RBPJ: variants seen among roughly 807,000 people sequenced by gnomAD.
The protein encoded by RBPJ is recombination signal binding protein for immunoglobulin kappa J region.
RBPJ carries 9 observed loss-of-function variants against 67.8 expected under a neutral mutation model. The observed-to-expected ratio is 0.13, with a 90% CI of 0.08 to 0.23. The LOEUF is 0.23. Among genes scored for constraint, RBPJ ranks in the 10% least tolerant of loss-of-function variants. The pLI, the probability that RBPJ is intolerant of heterozygous loss-of-function variation, is 1.00. For missense variants in RBPJ, 305 were observed against 595.6 expected, an observed-to-expected ratio of 0.51 and a Z score of 5.08; for synonymous variants, 198 against 203.3, an observed-to-expected ratio of 0.97 and a Z score of 0.22.
chr4:26,428,198 G>A (rs1314583393), intron 7 of RBPJ, among the ~76,000 whole-genome samples: 1 of 152,214 alleles, frequency 6.6e-6, no homozygotes, highest in African/African-American at 2.4e-5. Flanking sequence ...CGTTTGCACT[G>A]ACAGTAGCCT....
chr4:26,215,159 AAGG>A (rs1718644334), intron 1 of RBPJ, among the ~76,000 whole-genome samples: 1 of 128,592 alleles, frequency 7.8e-6, no homozygotes, highest in Admixed American at 7.7e-5. Flanking sequence ...GGAGGGAGAG[AAGG>A]AGGATAGGGA....
At chr4:26,280,222 C>T (rs1341647054) in intron 1 of RBPJ, among the ~76,000 whole-genome samples, 4 of 151,658 alleles carry the variant, frequency 2.6e-5, no homozygotes, top group African/African-American at 9.7e-5. Context: ...CGGCGAAACC[C>T]CAACTCTACT....
the RBPJ span, chr4:26,113,063 A>T: frequency 6.0e-6 from 1 of 167,168 alleles, no homozygotes; most frequent in Non-Finnish European, 1.3e-5. Context: ...TATAAGGGAG[A>T]ATCTTTGTGA....
chr4:26,339,648 C>CA (rs796872805), intron 1 of RBPJ, among the ~76,000 whole-genome samples: 27 of 151,148 alleles, frequency 1.8e-4, no homozygotes, highest in African/African-American at 6.1e-4. Flanking sequence ...AACAAACGAA[C>CA]AAAAAAAACC....
chr4:26,342,298 T>G (rs1449205983), intron 1 of RBPJ, among the ~76,000 whole-genome samples: 6 of 151,716 alleles, frequency 4.0e-5, no homozygotes, highest in South Asian at 2.1e-4. Context: ...ATGTGGTGTT[T>G]AGTAGCCAGG....
the RBPJ span, among the ~76,000 whole-genome samples, chr4:26,149,028 T>G: frequency 6.6e-6 from 1 of 152,132 alleles, no homozygotes; most frequent in Non-Finnish European, 1.5e-5. Context: ...CCCCACAACA[T>G]GGAAACATGA....
intron 1 of RBPJ, among the ~76,000 whole-genome samples, chr4:26,276,824 C>T (rs1721100991): frequency 6.6e-6 from 1 of 152,180 alleles, no homozygotes; most frequent in Non-Finnish European, 1.5e-5. Flanking sequence ...TGAAGAAATT[C>T]TTCTTTCTGT....
At chr4:26,329,254 A>G (rs905823190) in intron 1 of RBPJ, among the ~76,000 whole-genome samples, 5 of 152,144 alleles carry the variant, frequency 3.3e-5, no homozygotes, top group African/African-American at 4.8e-5. Flanking sequence ...CAGACTCCCA[A>G]AGTGCTAGGA....
chr4:26,401,275 T>A lies in RBPJ; in HGVS notation c.60-4900T>A, dbSNP rs115306237. Among the ~76,000 whole-genome samples, 508 of 152,322 alleles carry A rather than the reference T, an allele frequency of 3.3e-3. 2 individuals are homozygous for A. Among genetic ancestry groups the A allele is most frequent in the African/African-American group, 0.012 (490 of 41,572 alleles). On this transcript the variant is annotated intron_variant, in intron 2 of 10. Transcript: ENST00000355476. ...ACCCTTAGTAACAGACCCGGATCTA[T>A]TTCACACCAAAGCTATACCCCTAAT... is the stretch of plus-strand genomic sequence containing the variant.
At chr4:26,327,909 G>T (rs1723807706) in intron 1 of RBPJ, among the ~76,000 whole-genome samples, 1 of 152,106 alleles carries the variant, frequency 6.6e-6, no homozygotes. Flanking sequence ...TAGAAGTACA[G>T]TATTGCTTTA....
At chr4:26,249,243 A>C (rs1454478537) in intron 1 of RBPJ, among the ~76,000 whole-genome samples, 1 of 152,236 alleles carries the variant, frequency 6.6e-6, no homozygotes, top group African/African-American at 2.4e-5. Context: ...CATACAGCAA[A>C]GTATATAAAT....
At chr4:26,351,578 A>G (rs1726811020) in intron 1 of RBPJ, among the ~76,000 whole-genome samples, 1 of 152,106 alleles carries the variant, frequency 6.6e-6, no homozygotes, top group African/African-American at 2.4e-5. Context: ...AGAGGGTCTC[A>G]CCATGTTGCC....
At chr4:26,245,064 C>CT in intron 1 of RBPJ, among the ~76,000 whole-genome samples, 1 of 151,398 alleles carries the variant, frequency 6.6e-6, no homozygotes, top group Admixed American at 6.6e-5. Context: ...AATTCAGTGG[C>CT]TTTTTTAGTG....
chr4:26,255,056 G>A (rs1332382947), intron 1 of RBPJ, among the ~76,000 whole-genome samples: 3 of 142,822 alleles, frequency 2.1e-5, no homozygotes, highest in African/African-American at 8.0e-5. Context: ...TGTTATAAAT[G>A]CTATACATGC....
chr4:26,186,491 A>G (rs1485292557), intron 1 of RBPJ, among the ~76,000 whole-genome samples: 5 of 152,170 alleles, frequency 3.3e-5, no homozygotes, highest in African/African-American at 4.8e-5. Context: ...CTGAAGGGCA[A>G]TGTTGCCTGC....
chr4:26,147,625 T>A, the RBPJ span, among the ~76,000 whole-genome samples: 1 of 152,200 alleles, frequency 6.6e-6, no homozygotes, highest in Admixed American at 6.5e-5. Flanking sequence ...AAACTTTTTT[T>A]TTCTGTTTTT....
At chr4:26,133,163 A>G in the RBPJ span, among the ~76,000 whole-genome samples, 1 of 152,270 alleles carries the variant, frequency 6.6e-6, no homozygotes, top group Admixed American at 6.5e-5. Context: ...CTGTCATAGC[A>G]ATAGCCATCA....
At chr4:26,292,533 G>A (rs1721705231) in intron 1 of RBPJ, among the ~76,000 whole-genome samples, 1 of 150,308 alleles carries the variant, frequency 6.7e-6, no homozygotes, top group Non-Finnish European at 1.5e-5. Context: ...CGATTCTCCT[G>A]TCTCAGCCTC....
chr4:26,189,651 C>A (rs1234452057), intron 1 of RBPJ, among the ~76,000 whole-genome samples: 1 of 151,836 alleles, frequency 6.6e-6, no homozygotes, highest in Non-Finnish European at 1.5e-5. Context: ...GAGCAAGACT[C>A]CACCTAAAAA....
Sources: allele counts gnomAD v4.1 joint callset (sites outside exome capture counted in the v4.1 genomes callset), GRCh38; gene constraint gnomAD v4.1.1; transcripts MANE v1.5; gene names NCBI Gene and HGNC (gene_info 2026-07-23, HGNC 2026-07-21).